FNDC3B: variants seen among roughly 807,000 people sequenced by gnomAD.
The protein encoded by FNDC3B is fibronectin type III domain containing 3B, also known as fibronectin type III domain-containing protein 3B.
Under a neutral mutation model 151.5 loss-of-function variants are expected in FNDC3B, and 12 were observed. That is an observed-to-expected ratio of 0.08 (90% CI 0.05 to 0.13). The LOEUF (loss-of-function observed/expected upper bound fraction) is 0.13, where lower values mean the gene tolerates loss of function less well. Among genes scored for constraint, FNDC3B ranks in the 10% least tolerant of loss-of-function variants. The pLI is 1.00. For missense variants in FNDC3B, 1,214 were observed against 1,505.3 expected (o/e 0.81, Z 3.20); for synonymous variants, 528 against 549.0 (o/e 0.96, Z 0.54).
At chr3:172,085,775 C>A (rs1192012621) in intron 1 of FNDC3B, among the ~76,000 whole-genome samples, 1 of 152,136 alleles carries the variant, frequency 6.6e-6, no homozygotes, top group South Asian at 2.1e-4. Flanking sequence ...AGTGCTTTGA[C>A]TGTGGAAGTG....
chr3:172,168,837 C>T (rs184950222), intron 3 of FNDC3B, among the ~76,000 whole-genome samples: 2 of 151,068 alleles, frequency 1.3e-5, no homozygotes, highest in South Asian at 2.1e-4. Context: ...CTCAGCCTCC[C>T]GAGTAGCTGG....
intron 2 of FNDC3B, among the ~76,000 whole-genome samples, chr3:172,130,328 G>C (rs1721009043): frequency 6.6e-6 from 1 of 152,176 alleles, no homozygotes; most frequent in Admixed American, 6.5e-5. Flanking sequence ...TTGATATTGG[G>C]ACACAGGAGA....
At chr3:172,326,169 G>T (rs187358365) in intron 11 of FNDC3B, among the ~76,000 whole-genome samples, 1 of 152,164 alleles carries the variant, frequency 6.6e-6, no homozygotes, top group East Asian at 1.9e-4. Flanking sequence ...ACATGAATAT[G>T]TTCTTTTATT....
chr3:172,083,876 G>C (rs7624760), intron 1 of FNDC3B, among the ~76,000 whole-genome samples: 1 of 151,978 alleles, frequency 6.6e-6, no homozygotes, highest in Non-Finnish European at 1.5e-5. Context: ...ATAGTAGCCA[G>C]GTGGACCCAG....
intron 9 of FNDC3B, 85 bp from the exon 10 acceptor site, chr3:172,307,278 A>G: frequency 7.1e-7 from 1 of 1,399,648 alleles, no homozygotes; most frequent in East Asian, 2.3e-5. Flanking sequence ...GTTCATCTAC[A>G]GAAAGCCTTA....
chr3:172,226,734 G>T, intron 3 of FNDC3B, 137 bp from the exon 4 acceptor site: 1 of 562,298 alleles, frequency 1.8e-6, no homozygotes, highest in Non-Finnish European at 3.3e-6. Context: ...TAGCTTTAAG[G>T]CAATATATAC....
intron 24 of FNDC3B, among the ~76,000 whole-genome samples, chr3:172,380,064 TTTC>T (rs976903126): frequency 3.2e-4 from 27 of 84,206 alleles, no homozygotes; most frequent in Middle Eastern, 6.4e-3. Context: ...GTAGGCTCCT[TTTC>T]TTCTTCTTCT....
At chr3:172,248,483 A>G (rs1464707877) in intron 5 of FNDC3B, among the ~76,000 whole-genome samples, 1 of 152,130 alleles carries the variant, frequency 6.6e-6, no homozygotes, top group African/African-American at 2.4e-5. Context: ...ATCAAAATGG[A>G]TACTAAGAAA....
chr3:172,200,729 G>A (rs1335319307), intron 3 of FNDC3B, among the ~76,000 whole-genome samples: 5 of 152,140 alleles, frequency 3.3e-5, no homozygotes, highest in African/African-American at 1.2e-4. Flanking sequence ...CCTCTTAAGT[G>A]GAGGAGCATC....
At chr3:172,144,028 G>A (rs1721776261) in intron 3 of FNDC3B, among the ~76,000 whole-genome samples, 1 of 152,134 alleles carries the variant, frequency 6.6e-6, no homozygotes, top group African/African-American at 2.4e-5. Flanking sequence ...TAGCTTATAA[G>A]GAAAAGAGGT....
rs796623110 is a variant in FNDC3B, at chr3:172,080,942, G to A, written c.-28-31510G>A. 4.6e-5 allele frequency among the ~76,000 whole-genome samples: 7 copies of A among 152,242 alleles called. No individual in the cohort carries two copies. The East Asian group carries it at 9.6e-4, about 21-fold the overall frequency. On this transcript the variant is annotated intron_variant, in intron 1 of 25. Coordinates refer to ENST00000415807, the MANE Select transcript of FNDC3B (RefSeq NM_022763.4). ...TAAGTTAAGGACTTCAGCTGCTTAC[G>A]TTGTTTCCCATTGTTTGGAAATAGT...
chr3:172,076,680 AATT>A (rs10575670), intron 1 of FNDC3B, among the ~76,000 whole-genome samples: 77,572 of 151,726 alleles, frequency 0.51, 20,564 homozygotes, highest in Admixed American at 0.58. Context: ...AGAAATATGA[AATT>A]ATTTTTCCTG....
intron 21 of FNDC3B, among the ~76,000 whole-genome samples, chr3:172,348,725 T>C (rs779391737): frequency 2.6e-5 from 4 of 152,232 alleles, no homozygotes; most frequent in Non-Finnish European, 5.9e-5. Context: ...ATAAGAATAG[T>C]ACCTGCATAA....
intron 22 of FNDC3B, among the ~76,000 whole-genome samples, chr3:172,360,936 T>G (rs1419895298): frequency 6.6e-6 from 1 of 152,218 alleles, no homozygotes; most frequent in Admixed American, 6.5e-5. Flanking sequence ...TCCACATCAC[T>G]TTATTTTTTT....
At chr3:172,356,232 A>T (rs934497551) in intron 22 of FNDC3B, among the ~76,000 whole-genome samples, 1 of 152,184 alleles carries the variant, frequency 6.6e-6, no homozygotes, top group Admixed American at 6.5e-5. Flanking sequence ...GACGAGTCAG[A>T]CAGCCTTGAC....
chr3:172,079,542 T>C lies in FNDC3B; in HGVS notation c.-28-32910T>C, dbSNP rs114371600. ...TTCTGCCATCAAAACAGAGGTATCT[T>C]GCAATGATTCTTGTGCTGGCTGTTG... On this transcript the variant is annotated intron_variant, in intron 1 of 25. Transcript: ENST00000415807. 1.1e-3 allele frequency among the ~76,000 whole-genome samples: 164 copies of C among 152,366 alleles called. 1 individual carries two copies. The highest frequency in any genetic ancestry group is 3.7e-3 in the African/African-American group (154 of 41,586).
chr3:172,158,866 C>G (rs1722633888), intron 3 of FNDC3B, among the ~76,000 whole-genome samples: 2 of 152,204 alleles, frequency 1.3e-5, no homozygotes, highest in South Asian at 4.1e-4. Flanking sequence ...CTCCTTCCCT[C>G]CCCTCTTCCT....
intron 19 of FNDC3B, among the ~76,000 whole-genome samples, chr3:172,345,065 GAC>G (rs1333753142): frequency 5.3e-5 from 8 of 152,154 alleles, no homozygotes; most frequent in Non-Finnish European, 1.0e-4. Flanking sequence ...AAAAAAATAA[GAC>G]AGCCCAACTT....
chr3:172,249,771 A>G (rs1294716999), intron 5 of FNDC3B, among the ~76,000 whole-genome samples: 1 of 152,196 alleles, frequency 6.6e-6, no homozygotes, highest in African/African-American at 2.4e-5. Context: ...CTCTAGTGCA[A>G]ACTGGTTCTC....
Sources: gnomAD v4.1 joint callset for allele counts (sites outside exome capture counted in the v4.1 genomes callset) on GRCh38, gnomAD v4.1.1 for gene constraint, MANE v1.5 for transcripts, NCBI Gene and HGNC (gene_info 2026-07-23, HGNC 2026-07-21) for gene names.